PACS2: variants seen among roughly 807,000 people sequenced by gnomAD.
PACS2 encodes PACS1-like protein.
A neutral mutation model predicts 113.0 loss-of-function variants in PACS2; 36 were observed. The ratio of observed to expected loss-of-function variants is 0.32; its 90% CI spans 0.24 to 0.42. The LOEUF is 0.42. PACS2 is among the 10% of genes least tolerant of loss of function. The pLI is 1.00. For missense variants in PACS2, 1,015 were observed against 1,239.5 expected (o/e 0.82, Z 2.72); for synonymous variants, 589 against 536.1 (o/e 1.10, Z -1.36).
At chr14:105,306,682 C>T (rs979439839) in intron 1 of PACS2, among the ~76,000 whole-genome samples, 6 of 150,514 alleles carry the variant, frequency 4.0e-5, no homozygotes, top group African/African-American at 1.2e-4. Flanking sequence ...CTTGATGTAC[C>T]GCAATCTCTA....
chr14:105,392,196 G>C (rs782060137), intron 22 of PACS2: 9 of 318,922 alleles, frequency 2.8e-5, no homozygotes, highest in African/African-American at 4.4e-5. Context: ...TAAGCCATGG[G>C]GGGTTGTGGG....
At chr14:105,312,791 C>T (rs2058379603), upstream of PACS2, among the ~76,000 whole-genome samples, 2 of 152,222 alleles carry the variant, frequency 1.3e-5, no homozygotes, top group African/African-American at 4.8e-5. Context: ...CACCATCCCA[C>T]CTTAAAAACA....
At chr14:105,369,994 G>A in intron 8 of PACS2, 94 bp downstream of exon 8, 2 of 1,097,030 alleles carry the variant, frequency 1.8e-6, no homozygotes, top group Non-Finnish European at 1.3e-6. Context: ...GGCCACCTCT[G>A]GTTCTGCCGC....
At chr14:105,371,421 C>A (rs2061149140) in intron 8 of PACS2, 1 of 152,262 alleles carries the variant, frequency 6.6e-6, no homozygotes, top group Non-Finnish European at 1.5e-5. Context: ...CTGAGACTCA[C>A]AACCCAAACT....
At chr14:105,389,636 A>G in intron 19 of PACS2, 1 of 377,844 alleles carries the variant, frequency 2.6e-6, no homozygotes, top group Non-Finnish European at 5.0e-6. Flanking sequence ...GGCGTCGGGC[A>G]CCTAGGATGG....
chr14:105,380,246 T>C, intron 11 of PACS2, 92 bp downstream of exon 11: 2 of 1,062,898 alleles, frequency 1.9e-6, no homozygotes, highest in Non-Finnish European at 2.8e-6. Flanking sequence ...GGGGCCCACA[T>C]ATAGGTCCTC....
At chr14:105,384,728 G>C (rs926805189) in intron 17 of PACS2, 151 bp from the exon 18 acceptor site, 5 of 653,906 alleles carry the variant, frequency 7.6e-6, no homozygotes, top group Admixed American at 2.3e-5. Context: ...CTCGAGAGTA[G>C]AGCACCAGGG....
chr14:105,372,727 C>T (rs1555409635), intron 8 of PACS2: 1 of 151,962 alleles, frequency 6.6e-6, no homozygotes, highest in Non-Finnish European at 1.5e-5. Context: ...TGGTGAAACC[C>T]CATCTCTACT....
chr14:105,364,319 G>GCGGTGGGTGGTGTCCTGGGTGCA (rs1481467943), intron 4 of PACS2, among the ~76,000 whole-genome samples: 1 of 134,076 alleles, frequency 7.5e-6, no homozygotes, highest in African/African-American at 3.8e-5. Flanking sequence ...TCCCGGGTGC[G>GCGGTGGGTGGTGTCCTGGGTGCA]CGGTGGGCGG....
intron 15 of PACS2, 92 bp downstream of exon 15, chr14:105,383,005 T>A (rs1468539576): frequency 1.3e-6 from 1 of 759,872 alleles, no homozygotes; most frequent in Non-Finnish European, 2.2e-6. Context: ...GCTAGGTGCG[T>A]CCTGGACCTG....
intron 1 of PACS2, among the ~76,000 whole-genome samples, chr14:105,319,471 A>T (rs899889976): frequency 4.6e-5 from 7 of 152,204 alleles, no homozygotes; most frequent in African/African-American, 1.7e-4. Flanking sequence ...TGTATTTTAG[A>T]AGTCATAGTA....
upstream of PACS2, chr14:105,314,426 A>G (rs1595535256): frequency 2.0e-5 from 3 of 146,832 alleles, no homozygotes; most frequent in East Asian, 6.1e-4. Flanking sequence ...GTGGACCCCC[A>G]CGACTCTCCC....
Position 105,324,135 on chromosome 14 carries a change from CCT to C in PACS2, c.119+9105_119+9106del, listed in dbSNP as rs779818013. 1.3e-5 allele frequency among the ~76,000 whole-genome samples: 2 copies of C among 152,168 alleles called. No homozygotes were observed. Among genetic ancestry groups the C allele is most frequent in the Non-Finnish European group, 2.9e-5 (2 of 68,028 alleles). The stretch of plus-strand genomic sequence containing the variant: ...TCTGGGCACTAGAACCAGCCCTTTC[CCT>C]CTCTCTGCCCAGCATTCTCAGCATG... On this transcript the variant is annotated intron_variant, in intron 1 of 24. Transcript: ENST00000447393. The surrounding 1 kb of genome is among the most constrained non-coding windows in gnomAD (Gnocchi z 4.7).
intron 4 of PACS2, among the ~76,000 whole-genome samples, chr14:105,362,186 CGGT>C (rs2060718831): frequency 6.7e-6 from 1 of 150,276 alleles, no homozygotes. Context: ...TGGGAGGCCA[CGGT>C]GGGCGGATCA....
rs2059683522 is a variant in PACS2, at chr14:105,340,528, A to C, written c.120-7965A>C. On this transcript the variant is annotated intron_variant, in intron 1 of 24. Coordinates refer to ENST00000447393, the MANE Select transcript of PACS2 (RefSeq NM_001100913.3). This position sits in a 1 kb window ranked among gnomAD's most constrained non-coding sequence, Gnocchi z 4.2. ...CATCAGATTCTCATAAGCAGCGTGC[A>C]GCCTGGATCCCTCGCGTGCACAGTT... Among the ~76,000 whole-genome samples, 1 of 152,222 alleles carries C rather than the reference A, an allele frequency of 6.6e-6. No homozygotes were observed. The highest frequency in any genetic ancestry group is 1.5e-5 in the Non-Finnish European group (1 of 68,038).
rs2058988048 is a variant in PACS2, at chr14:105,323,824, A to G, written c.119+8787A>G. On this transcript the variant is annotated intron_variant, in intron 1 of 24. Coordinates refer to ENST00000447393, the MANE Select transcript of PACS2 (RefSeq NM_001100913.3). The surrounding 1 kb of genome is among the most constrained non-coding windows in gnomAD (Gnocchi z 4.1). ...GCCAGTGGCCTGTAGGCTGGGCAGC[A>G]CTCGAGCTGGGGCCAAGGGGCAGCA... 6.6e-6 allele frequency among the ~76,000 whole-genome samples: 1 copy of G among 152,136 alleles called. No individual in the cohort carries two copies. The highest frequency in any genetic ancestry group is 1.5e-5 in the Non-Finnish European group (1 of 68,008).
rs1262964551 is a variant in PACS2, at chr14:105,354,769, C to T, written c.298-283C>T. Among the ~76,000 whole-genome samples the T allele has an allele frequency of 6.6e-6, 1 of 152,250 alleles. No individual in the cohort carries two copies. The highest frequency in any genetic ancestry group is 2.4e-5 in the African/African-American group (1 of 41,466). On this transcript the variant is annotated intron_variant, in intron 3 of 24. Coordinates refer to ENST00000447393, the MANE Select transcript of PACS2 (RefSeq NM_001100913.3). This position sits in a 1 kb window ranked among gnomAD's most constrained non-coding sequence, Gnocchi z 4.2. ...CTCGGCCATCCCGGACACTGCAGCA[C>T]ATAGTCCTTGTCCACCTGCCATGGC... is the stretch of plus-strand genomic sequence containing the variant.
Position 105,376,965 on chromosome 14 carries a change from C to A in PACS2, c.959+40C>A, listed in dbSNP as rs782675473. 2.6e-6 allele frequency: 4 copies of A among 1,547,058 alleles called. No individual in the cohort carries two copies. The highest frequency in any genetic ancestry group is 3.5e-6 in the Non-Finnish European group (4 of 1,143,744). Reference sequence around the variant, plus strand: ...GCGGGGCGGGGAGGAACAGCCATTTCAGATGCCCCGGCCACTCTGCGACCA... The same window carrying A: ...GCGGGGCGGGGAGGAACAGCCATTTAAGATGCCCCGGCCACTCTGCGACCA... On this transcript the variant is annotated intron_variant, in intron 9 of 24. Coordinates refer to ENST00000447393, the MANE Select transcript of PACS2 (RefSeq NM_001100913.3). The surrounding 1 kb of genome is among the most constrained non-coding windows in gnomAD (Gnocchi z 4.7).
chr14:105,326,793 T>A (rs1251872369), intron 1 of PACS2, among the ~76,000 whole-genome samples: 1 of 152,168 alleles, frequency 6.6e-6, no homozygotes, highest in Non-Finnish European at 1.5e-5. Context: ...AGCTCCACGT[T>A]CACCCTGCGG....
Sources: allele counts gnomAD v4.1 joint callset (sites outside exome capture counted in the v4.1 genomes callset), GRCh38; gene constraint gnomAD v4.1.1; non-coding constraint Gnocchi (gnomAD v3.1); transcripts MANE v1.5; gene names NCBI Gene and HGNC (gene_info 2026-07-23, HGNC 2026-07-21).